APMAP: variants seen among roughly 807,000 people sequenced by gnomAD.
APMAP encodes the protein adipocyte plasma membrane associated protein.
Under a neutral mutation model 43.6 loss-of-function variants are expected in APMAP, and 33 were observed. That is an observed-to-expected ratio of 0.76 (90% CI 0.57 to 1.01). The LOEUF (loss-of-function observed/expected upper bound fraction) is 1.01, where lower values mean the gene tolerates loss of function less well. APMAP is among the 50% of genes least tolerant of loss of function. The pLI is 0.00. For missense variants in APMAP, 498 were observed against 540.7 expected, an observed-to-expected ratio of 0.92 and a Z score of 0.78; for synonymous variants, 224 against 216.7, an observed-to-expected ratio of 1.03 and a Z score of -0.30.
At chr20:24,976,995 G>A (rs1418217327) in intron 3 of APMAP, among the ~76,000 whole-genome samples, 3 of 152,230 alleles carry the variant, frequency 2.0e-5, no homozygotes, top group Non-Finnish European at 2.9e-5. Flanking sequence ...TATGGAGATG[G>A]CAAAAAGATC....
intron 8 of APMAP, among the ~76,000 whole-genome samples, chr20:24,967,789 A>T (rs914461464): frequency 1.1e-4 from 17 of 152,144 alleles, no homozygotes; most frequent in South Asian, 2.1e-4. Flanking sequence ...GTGCTAGCCC[A>T]CCTGCCATTT....
chr20:24,964,070 A>T, intron 8 of APMAP, 48 bp from the exon 9 acceptor site: 1 of 1,589,018 alleles, frequency 6.3e-7, no homozygotes, highest in Non-Finnish European at 8.6e-7. Flanking sequence ...GGCCAAGAAC[A>T]CTGTGCGCAG....
At chr20:24,970,106 C>A (rs544311479) in intron 6 of APMAP, 91 bp downstream of exon 6, 2 of 1,456,282 alleles carry the variant, frequency 1.4e-6, no homozygotes, top group African/African-American at 1.4e-5. Context: ...GCTGGAAATA[C>A]TCCCTTGGTC....
chr20:24,969,765 C>G (rs2087982874), intron 6 of APMAP, 105 bp from the exon 7 acceptor site: 6 of 1,432,148 alleles, frequency 4.2e-6, no homozygotes, highest in Middle Eastern at 4.8e-4. Flanking sequence ...CACCCCGGAG[C>G]AACAGGCCCT....
chr20:24,986,531 C>T (rs1040620509), intron 1 of APMAP, among the ~76,000 whole-genome samples: 1 of 152,178 alleles, frequency 6.6e-6, no homozygotes, highest in African/African-American at 2.4e-5. Flanking sequence ...TGGGTATAAG[C>T]ACCACAGGCA....
intron 3 of APMAP, 23 bp downstream of exon 3, chr20:24,978,744 C>A: frequency 7.6e-7 from 1 of 1,311,184 alleles, no homozygotes; most frequent in Non-Finnish European, 1.1e-6. Flanking sequence ...GAAGGCTCCC[C>A]CCCCACCCAA....
intron 2 of APMAP, among the ~76,000 whole-genome samples, chr20:24,980,579 G>A (rs990201804): frequency 4.6e-5 from 7 of 150,728 alleles, no homozygotes; most frequent in South Asian, 4.2e-4. Context: ...TACCAGCTTC[G>A]CTTGGCCTCG....
rs1299033334 is a variant in APMAP at position 24,992,575 on chromosome 20, G to A, written c.95+19C>T. On this transcript the variant is annotated intron_variant, in intron 1 of 8. Coordinates refer to ENST00000217456, the MANE Select transcript of APMAP (RefSeq NM_020531.3). ...CCTAGCGGCCCGGCTCCAGCGCCCAGTCTGGGAGTCCGCCCTACCTGCCGT... is the reference window on the plus strand; with the variant it reads ...CCTAGCGGCCCGGCTCCAGCGCCCAATCTGGGAGTCCGCCCTACCTGCCGT... 2 of 1,509,666 alleles carry A rather than the reference G, an allele frequency of 1.3e-6. No homozygotes were observed. Among genetic ancestry groups the A allele is most frequent in the Non-Finnish European group, 1.8e-6 (2 of 1,122,686 alleles). 93.5% of individuals were successfully genotyped at this position (1,509,666 alleles called of 1,614,324 possible). A position where few individuals can be genotyped will look rare whatever the true frequency, so the allele number is the denominator to read the frequency against.
At chr20:24,988,975 T>C (rs545669225) in intron 1 of APMAP, among the ~76,000 whole-genome samples, 1 of 152,306 alleles carries the variant, frequency 6.6e-6, no homozygotes, top group African/African-American at 2.4e-5. Flanking sequence ...CCTGGACCCC[T>C]GCTCTGGGTG....
intron 8 of APMAP, among the ~76,000 whole-genome samples, chr20:24,967,476 C>A (rs570205109): frequency 2.6e-5 from 4 of 152,290 alleles, no homozygotes; most frequent in Non-Finnish European, 4.4e-5. Context: ...ATCAACGGTA[C>A]GTCCTCGCAC....
chr20:24,985,157 C>T (rs540148323), intron 1 of APMAP, among the ~76,000 whole-genome samples: 1 of 152,268 alleles, frequency 6.6e-6, no homozygotes, highest in East Asian at 1.9e-4. Flanking sequence ...CCAGTTTCTC[C>T]ACTCCAAAAC....
At position 24,978,801 on chromosome 20, in the gene APMAP, T is replaced by C. The variant is rs778584764; in HGVS notation, c.294A>G (p.Gln98=). Reference sequence around the variant, plus strand: ...GTGCTATGGACTCCGGTCCAACAAGTTGATTTTCAAACAGCCTTTCTGCCT... The same window carrying C: ...GTGCTATGGACTCCGGTCCAACAAGCTGATTTTCAAACAGCCTTTCTGCCT... ...LRQAERLFEN[Q]LVGPESIAHI... is the part of the protein sequence containing the mutation. Residue 98 remains glutamine (Q), a synonymous_variant, in exon 3 of 9, where the codon CAA becomes CAG. Transcript: ENST00000217456. The C allele has an allele frequency of 1.0e-5, 16 of 1,556,838 alleles. No homozygotes were observed. Among genetic ancestry groups the C allele is most frequent in the Middle Eastern group, 1.7e-4 (1 of 5,738 alleles).
At chr20:24,981,019 G>C (rs1296733473) in intron 2 of APMAP, among the ~76,000 whole-genome samples, 1 of 152,212 alleles carries the variant, frequency 6.6e-6, no homozygotes, top group Admixed American at 6.5e-5. Context: ...ACCACACTTA[G>C]AAATCTCTAA....
At chr20:24,975,345 T>C (rs6132777) in intron 3 of APMAP, among the ~76,000 whole-genome samples, 14,053 of 152,238 alleles carry the variant, frequency 0.092, 749 homozygotes, top group Middle Eastern at 0.19. Flanking sequence ...TTGCAGGATA[T>C]TGCAAGATAT....
chr20:24,973,595 T>C, intron 4 of APMAP, 50 bp downstream of exon 4: 1 of 1,554,718 alleles, frequency 6.4e-7, no homozygotes, highest in Non-Finnish European at 8.9e-7. Flanking sequence ...CGATCCAACA[T>C]CTTTCTGAAA....
intron 1 of APMAP, 120 bp downstream of exon 1, chr20:24,992,468 GGACTCT>G: frequency 1.4e-6 from 1 of 711,946 alleles, no homozygotes; most frequent in Non-Finnish European, 2.0e-6. Context: ...TGAAACGAGA[GGACTCT>G]GACAACGCGC....
At chr20:24,972,938 G>A (rs917391671) in intron 4 of APMAP, among the ~76,000 whole-genome samples, 4 of 152,204 alleles carry the variant, frequency 2.6e-5, no homozygotes, top group African/African-American at 4.8e-5. Context: ...AAGAACTGAT[G>A]TAGGGTATAA....
In APMAP at chr20:24,970,364, C is replaced by T. The variant is rs1215078879; in HGVS notation, c.546G>A (p.Val182=). The stretch of plus-strand genomic sequence containing the variant: ...GTGTCTCGGAGGACAGCAGCAGTTT[C>T]ACTTCACCTGAAGTTTAAAAAGAAA... The part of the protein sequence containing the change: ...LFEVNPWKRE[V]KLLLSSETPI... The change falls in exon 6 of 9, where the codon GTG becomes GTA. Residue 182 remains valine (V), a synonymous_variant. Transcript: ENST00000217456. 1.2e-6 allele frequency: 2 copies of T among 1,608,384 alleles called. No homozygotes were observed. The highest frequency in any genetic ancestry group is 1.1e-5 in the South Asian group (1 of 90,336).
At chr20:24,992,260 C>A (rs931320764) in intron 1 of APMAP, among the ~76,000 whole-genome samples, 1 of 151,954 alleles carries the variant, frequency 6.6e-6, no homozygotes. Flanking sequence ...GAGGGAAAGG[C>A]GAGGAAGCAA....
Sources: allele counts gnomAD v4.1 joint callset (sites outside exome capture counted in the v4.1 genomes callset), GRCh38; gene constraint gnomAD v4.1.1; transcripts MANE v1.5; gene names NCBI Gene and HGNC (gene_info 2026-07-23, HGNC 2026-07-21).